The following GDPD5 variants were observed in gnomAD, a reference collection of about 807,000 sequenced individuals.
GDPD5 encodes glycerophosphodiester phosphodiesterase domain containing 5.
In GDPD5, 48 loss-of-function variants were observed where a neutral mutation model predicts 75.1. That is an observed-to-expected ratio of 0.64 (90% CI 0.51 to 0.81). The LOEUF is 0.81. Among genes scored for constraint, GDPD5 ranks in the 40% least tolerant of loss-of-function variants. The pLI is 0.00. For synonymous variants in GDPD5, 336 were observed against 339.0 expected (o/e 0.99, Z 0.10); for missense variants, 706 against 822.6 (o/e 0.86, Z 1.73).
intron 3 of GDPD5, among the ~76,000 whole-genome samples, chr11:75,466,370 G>A (rs778857873): frequency 4.8e-4 from 73 of 152,102 alleles, no homozygotes; most frequent in Non-Finnish European, 9.0e-4. Context: ...GGAAGGGAAG[G>A]GGAAGGTGAG....
chr11:75,454,954 C>T (rs916109781), intron 6 of GDPD5, among the ~76,000 whole-genome samples: 1 of 152,164 alleles, frequency 6.6e-6, no homozygotes, highest in Non-Finnish European at 1.5e-5. Flanking sequence ...ATTTCCAGGC[C>T]CTGCTGGAAC....
chr11:75,441,848 T>C (rs1437680607), intron 12 of GDPD5, 45 bp from the exon 13 acceptor site: 3 of 1,557,800 alleles, frequency 1.9e-6, no homozygotes, highest in Admixed American at 1.8e-5. Context: ...TTCTGCACGA[T>C]GCGTAAGAGT....
intron 1 of GDPD5, chr11:75,516,239 G>C (rs183751195): frequency 6.6e-6 from 1 of 152,438 alleles, no homozygotes; most frequent in Admixed American, 6.5e-5. Context: ...TCCCTGTACT[G>C]ATGGCCCACA....
At position 75,443,204 on chromosome 11, in the gene GDPD5, G is replaced by A. The variant is rs759037947; in HGVS notation, c.880C>T (p.Arg294Cys). ...NVEEEFPELARRPASMLNWTT... is the reference protein window; with the variant it reads ...NVEEEFPELACRPASMLNWTT... ...CAGTTAAGCATGGAGGCAGGCCTGC[G>A]GGCCAGCTCCGGGAACTCCTCCTCC... Residue 294 changes from arginine (R) to cysteine (C), a missense_variant, in exon 11 of 17, where the codon CGC (arginine) becomes TGC (cysteine). Coordinates refer to ENST00000336898, the MANE Select transcript of GDPD5 (RefSeq NM_030792.8). 23 of 1,604,718 alleles carry A rather than the reference G, an allele frequency of 1.4e-5. No homozygotes were observed. Among genetic ancestry groups the A allele is most frequent in the South Asian group, 2.2e-5 (2 of 89,128 alleles).
chr11:75,498,323 G>A (rs956217734), intron 1 of GDPD5, among the ~76,000 whole-genome samples: 6 of 152,226 alleles, frequency 3.9e-5, no homozygotes, highest in African/African-American at 7.2e-5. Context: ...GTTGACCAAC[G>A]CAAGTTCCCC....
chr11:75,488,944 C>T (rs907533320), intron 2 of GDPD5, among the ~76,000 whole-genome samples: 1 of 152,186 alleles, frequency 6.6e-6, no homozygotes, highest in African/African-American at 2.4e-5. Context: ...ATATGCCAGG[C>T]CCTGTCCTTG....
chr11:75,502,916 C>T (rs1193662126), intron 1 of GDPD5, among the ~76,000 whole-genome samples: 1 of 152,268 alleles, frequency 6.6e-6, no homozygotes, highest in Admixed American at 6.5e-5. Context: ...ACTCTAGACG[C>T]CACCTGACAG....
chr11:75,482,254 C>A (rs1345781788), intron 2 of GDPD5, among the ~76,000 whole-genome samples: 1 of 152,148 alleles, frequency 6.6e-6, no homozygotes, highest in Non-Finnish European at 1.5e-5. Context: ...CTCAGAGTCT[C>A]CTCTCCCCCT....
intron 3 of GDPD5, among the ~76,000 whole-genome samples, chr11:75,467,667 T>C (rs1333441810): frequency 6.6e-6 from 1 of 151,360 alleles, no homozygotes; most frequent in Admixed American, 6.6e-5. Context: ...GGGGCAGGAG[T>C]GGCCCCTGGC....
chr11:75,460,537 C>T (rs1481147024), intron 4 of GDPD5, among the ~76,000 whole-genome samples: 1 of 152,070 alleles, frequency 6.6e-6, no homozygotes, highest in Admixed American at 6.5e-5. Flanking sequence ...CTCCACCTCC[C>T]AGGCTCAAGC....
chr11:75,442,735 G>A (rs1948858630), intron 11 of GDPD5, 154 bp from the exon 12 acceptor site: 1 of 673,944 alleles, frequency 1.5e-6, no homozygotes. Flanking sequence ...GGCTGTAGGA[G>A]GCCCCAGCCC....
At chr11:75,459,250 A>T (rs1345613834) in intron 4 of GDPD5, among the ~76,000 whole-genome samples, 3 of 152,286 alleles carry the variant, frequency 2.0e-5, no homozygotes, top group South Asian at 2.1e-4. Context: ...TAAAAATGAA[A>T]TTTTTATACA....
At chr11:75,449,809 T>A in intron 7 of GDPD5, 76 bp downstream of exon 7, 1 of 1,499,834 alleles carries the variant, frequency 6.7e-7, no homozygotes, top group Admixed American at 1.7e-5. Flanking sequence ...TGCCCTTCTT[T>A]GGGCCTTGGT....
chr11:75,515,625 G>C (rs1374010943), intron 1 of GDPD5, among the ~76,000 whole-genome samples: 1 of 152,338 alleles, frequency 6.6e-6, no homozygotes, highest in East Asian at 1.9e-4. Flanking sequence ...CTGTGGCAAT[G>C]ACTGCCCAGC....
intron 3 of GDPD5, among the ~76,000 whole-genome samples, chr11:75,464,195 G>T (rs1329174272): frequency 6.6e-6 from 1 of 152,180 alleles, no homozygotes; most frequent in Non-Finnish European, 1.5e-5. Flanking sequence ...CCATCAGTCT[G>T]CCCAGGAACC....
intron 1 of GDPD5, among the ~76,000 whole-genome samples, chr11:75,498,631 T>C (rs1223090748): frequency 2.0e-5 from 3 of 152,200 alleles, no homozygotes; most frequent in African/African-American, 7.2e-5. Context: ...CCAAGTCATC[T>C]GGGAGAACAA....
Position 75,449,268 on chromosome 11 carries a change from AACTC to A in GDPD5, c.569-150_569-147del, listed in dbSNP as rs2135215971. 6 of 952,282 alleles carry A rather than the reference AACTC, an allele frequency of 6.3e-6. No individual in the cohort carries two copies. In the South Asian group the frequency reaches 9.4e-5, roughly 15 times the overall value. 59.0% of individuals were successfully genotyped at this position (952,282 alleles called of 1,614,324 possible). A position where few individuals can be genotyped will look rare whatever the true frequency, so the allele number is the denominator to read the frequency against. On this transcript the variant is annotated intron_variant, in intron 8 of 16. Transcript: ENST00000336898. ...TGCTGGGAAGATGAACCCCGCCTCT[AACTC>A]ACACAGACACAGGTGCATACATGCA...
chr11:75,447,941 T>G (rs191787766), intron 9 of GDPD5, among the ~76,000 whole-genome samples: 1 of 152,196 alleles, frequency 6.6e-6, no homozygotes, highest in Non-Finnish European at 1.5e-5. Flanking sequence ...TGGGAGGGAC[T>G]GGGGTCAGCA....
intron 13 of GDPD5, 99 bp downstream of exon 13, chr11:75,441,547 T>G: frequency 2.1e-6 from 1 of 487,652 alleles, no homozygotes; most frequent in Non-Finnish European, 3.1e-6. Context: ...CCCGACCGTG[T>G]GTGTGTGTGT....
Sources: allele counts gnomAD v4.1 joint callset (sites outside exome capture counted in the v4.1 genomes callset), GRCh38; gene constraint gnomAD v4.1.1; transcripts MANE v1.5; gene names NCBI Gene and HGNC (gene_info 2026-07-23, HGNC 2026-07-21).